The following FAT2 variants were observed in gnomAD, a reference collection of about 807,000 sequenced individuals.
The protein encoded by FAT2 is FAT atypical cadherin 2.
Under a neutral mutation model 295.3 loss-of-function variants are expected in FAT2, and 150 were observed. The observed-to-expected ratio is 0.51, with a 90% CI of 0.44 to 0.58. The LOEUF (loss-of-function observed/expected upper bound fraction) is 0.58, where lower values mean the gene tolerates loss of function less well. Ranked by LOEUF, FAT2 falls within the 20% of genes least tolerant of loss-of-function variation. FAT2 has a pLI of 0.00. For missense variants in FAT2, 4,868 were observed against 5,442.7 expected (o/e 0.89, Z 3.32); for synonymous variants, 2,026 against 2,150.3 (o/e 0.94, Z 1.60).
chr5:151,551,836 T>G (rs562121872), intron 6 of FAT2, among the ~76,000 whole-genome samples: 2 of 152,230 alleles, frequency 1.3e-5, no homozygotes, highest in African/African-American at 2.4e-5. Context: ...TCAAATTGAT[T>G]AATAAACTAT....
At chr5:151,581,297 C>G (rs1281200690) in intron 1 of FAT2, among the ~76,000 whole-genome samples, 1 of 152,158 alleles carries the variant, frequency 6.6e-6, no homozygotes, top group South Asian at 2.1e-4. Flanking sequence ...CATGTGAGCC[C>G]CCTTGAGGTA....
chr5:151,525,426 G>A (rs1233999378), intron 18 of FAT2, among the ~76,000 whole-genome samples: 3 of 152,200 alleles, frequency 2.0e-5, no homozygotes, highest in Non-Finnish European at 4.4e-5. Flanking sequence ...ACAGCCAGAG[G>A]GTGTTTTGCC....
intron 1 of FAT2, among the ~76,000 whole-genome samples, chr5:151,585,925 T>C (rs1759150109): frequency 6.6e-6 from 1 of 152,194 alleles, no homozygotes; most frequent in South Asian, 2.1e-4. Flanking sequence ...GGTAGCATTA[T>C]ACAACTCTCA....
chr5:151,538,698 G>A (rs1346708124), intron 11 of FAT2, among the ~76,000 whole-genome samples: 1 of 152,098 alleles, frequency 6.6e-6, no homozygotes, highest in East Asian at 1.9e-4. Context: ...TCTTTTTTGA[G>A]ACAGAGTCTC....
rs528408975 is a variant in FAT2 at position 151,566,538 on chromosome 5, G to A, written c.2394C>T (p.Pro798=). The A allele has an allele frequency of 3.1e-6, 5 of 1,614,094 alleles. No individual in the cohort carries two copies. The highest frequency in any genetic ancestry group is 4.2e-6 in the Non-Finnish European group (5 of 1,180,010). ...LNVTVYDLGT[P]QKSSWKLLTV... ...TCAGCAGCTTCCAGGAGGACTTCTG[G>A]GGTGTGCCCAGGTCATATACTGTTA... Residue 798 remains proline, a synonymous_variant, in exon 2 of 24, where the codon CCC becomes CCT. Coordinates refer to ENST00000261800, the MANE Select transcript of FAT2 (RefSeq NM_001447.3).
intron 22 of FAT2, 52 bp downstream of exon 22, chr5:151,509,969 G>A: frequency 6.3e-7 from 1 of 1,598,768 alleles, no homozygotes. Flanking sequence ...TCAGAGTACA[G>A]AGCGCATTCC....
In FAT2 at chr5:151,545,798, T is replaced by C. The variant is rs769752412; in HGVS notation, c.5329A>G (p.Ile1777Val). 4 of 1,614,122 alleles carry C rather than the reference T, an allele frequency of 2.5e-6. No homozygotes were observed. The African/African-American group carries it at 4.0e-5, about 16-fold the overall frequency. The change falls in exon 10 of 24, where the codon ATC (isoleucine) becomes GTC (valine). Residue 1777 changes from isoleucine to valine, a missense_variant. Transcript: ENST00000261800. ...ISEAAPLYSM[I>V]MDKNNNPFVI... ...AAGGGGTTGTTGTTTTTATCCATGA[T>C]CATGCTATACAGTGGAGCTGCTTCA...
chr5:151,569,604 T>C (rs1461836652), intron 1 of FAT2, among the ~76,000 whole-genome samples: 1 of 152,196 alleles, frequency 6.6e-6, no homozygotes, highest in African/African-American at 2.4e-5. Flanking sequence ...GGCTGAAGAA[T>C]AGCAGACTAG....
intron 16 of FAT2, 59 bp downstream of exon 16, chr5:151,527,937 C>T (rs2127587138): frequency 2.5e-6 from 4 of 1,581,972 alleles, no homozygotes; most frequent in Non-Finnish European, 3.4e-6. Flanking sequence ...TCTGGACCTG[C>T]AGTGGGACTG....
chr5:151,528,513 A>T (rs1041529808), intron 15 of FAT2, among the ~76,000 whole-genome samples: 3 of 152,120 alleles, frequency 2.0e-5, no homozygotes, highest in African/African-American at 7.2e-5. Context: ...TTAGAAAAGG[A>T]CTCATGAAGC....
rs182847594 is a variant in FAT2, at chr5:151,542,246, T to C, written c.8842+39A>G. On this transcript the variant is annotated intron_variant, in intron 10 of 23. Coordinates refer to ENST00000261800, the MANE Select transcript of FAT2 (RefSeq NM_001447.3). ...GCACCTCTTCCTGGATGTTTTTCGATACATTCCAGAGCCTGCAGTCCATGA... is the reference window on the plus strand; with the variant it reads ...GCACCTCTTCCTGGATGTTTTTCGACACATTCCAGAGCCTGCAGTCCATGA... The C allele has an allele frequency of 1.9e-5, 29 of 1,527,582 alleles. No individual in the cohort carries two copies. In the East Asian group the frequency reaches 3.8e-4, roughly 20 times the overall value. The allele number at this position is 1,527,582 out of a possible 1,614,324, so 94.6% of individuals were successfully genotyped here.
chr5:151,591,344 G>A (rs538660465), upstream of FAT2, among the ~76,000 whole-genome samples: 3 of 152,328 alleles, frequency 2.0e-5, no homozygotes, highest in Admixed American at 6.5e-5. Context: ...AGCCCAGGAG[G>A]AGGAGGAGGA....
rs1330315502 is a variant in FAT2, at chr5:151,551,383, A to T, written c.4296+84T>A. The T allele has an allele frequency of 2.1e-6, 3 of 1,442,380 alleles. No homozygotes were observed. In the Admixed American group the frequency reaches 6.0e-5, roughly 29 times the overall value. The allele number at this position is 1,442,380 out of a possible 1,614,324, so 89.3% of individuals were successfully genotyped here. On this transcript the variant is annotated intron_variant, in intron 7 of 23. Transcript: ENST00000261800. The stretch of plus-strand genomic sequence containing the variant: ...GTGTTCCTTGAGGAACACCACATCC[A>T]CAGAAAACCTCTGTAGCCTCATCCC...
In FAT2 at chr5:151,545,989, G is replaced by A. The variant is rs1581402016; in HGVS notation, c.5138C>T (p.Ser1713Phe). ...FSMNSYSGLISTQKKLDHEKI... is the reference protein window; with the variant it reads ...FSMNSYSGLIFTQKKLDHEKI... ...CTCATGGTCCAATTTCTTCTGGGTG[G>A]AAATAAGGCCAGAATATGAGTTCAT... The change falls in exon 10 of 24, where the codon TCC becomes TTC. Residue 1713 changes from serine (S) to phenylalanine (F), a missense_variant. Coordinates refer to ENST00000261800, the MANE Select transcript of FAT2 (RefSeq NM_001447.3). 2 of 1,614,110 alleles carry A rather than the reference G, an allele frequency of 1.2e-6. No individual in the cohort carries two copies. The highest frequency in any genetic ancestry group is 4.5e-5 in the East Asian group (2 of 44,880).
At chr5:151,576,208 A>G (rs11740481) in intron 1 of FAT2, among the ~76,000 whole-genome samples, 21,826 of 152,230 alleles carry the variant, frequency 0.14, 1,594 homozygotes, top group African/African-American at 0.16. Context: ...ATTCACGTAT[A>G]CTTAGCAGTA....
chr5:151,516,904 G>A (rs1479719869), intron 20 of FAT2, among the ~76,000 whole-genome samples: 7 of 151,990 alleles, frequency 4.6e-5, no homozygotes, highest in African/African-American at 4.8e-5. Flanking sequence ...TCAGGAGTTC[G>A]AGACCAGCCT....
At chr5:151,580,339 C>T (rs556834673) in intron 1 of FAT2, among the ~76,000 whole-genome samples, 1 of 152,354 alleles carries the variant, frequency 6.6e-6, no homozygotes, top group African/African-American at 2.4e-5. Flanking sequence ...CTGAGCCTAT[C>T]TAAGCCTCAG....
At chr5:151,537,316 A>AG (rs1491581228) in intron 12 of FAT2, among the ~76,000 whole-genome samples, 7,110 of 65,910 alleles carry the variant, frequency 0.11, 199 homozygotes, top group South Asian at 0.21. Flanking sequence ...GAAGAAAAAG[A>AG]AAGAGAAAAA....
intron 5 of FAT2, 72 bp from the exon 6 acceptor site, chr5:151,553,459 A>ACGCTCTGGTTCCTG: frequency 1.5e-6 from 2 of 1,340,788 alleles, no homozygotes; most frequent in Non-Finnish European, 2.1e-6. Context: ...CCAGGACAGG[A>ACGCTCTGGTTCCTG]ACCAGAGCGT....
Sources: allele counts gnomAD v4.1 joint callset (sites outside exome capture counted in the v4.1 genomes callset), GRCh38; gene constraint gnomAD v4.1.1; transcripts MANE v1.5; gene names NCBI Gene and HGNC (gene_info 2026-07-23, HGNC 2026-07-21).